TAS2R1: variants seen among roughly 807,000 people sequenced by gnomAD.
TAS2R1 encodes taste 2 receptor member 1, also known as taste receptor type 2 member 1.
For synonymous variants in TAS2R1, 141 were observed against 134.2 expected, an observed-to-expected ratio of 1.05 and a Z score of -0.35; for missense variants, 370 against 353.4, an observed-to-expected ratio of 1.05 and a Z score of -0.38.
chr5:9,887,945 G>C, the TAS2R1 span, among the ~76,000 whole-genome samples: 1 of 152,006 alleles, frequency 6.6e-6, no homozygotes, highest in South Asian at 2.1e-4. Flanking sequence ...AGGACAGCAG[G>C]GCCACAGGAG....
Position 9,630,042 on chromosome 5 carries a change from A to G in TAS2R1, c.-10T>C, listed in dbSNP as rs754132366. ...GGTGAGACTCTAGCATTTTAGGAAT[A>G]AAAAATTATTTACTTAAAAAATAAT... On this transcript the variant is annotated 5_prime_UTR_variant, in exon 1 of 1. Transcript: ENST00000382492. 10 of 1,539,378 alleles carry G rather than the reference A, an allele frequency of 6.5e-6. No homozygotes were observed. The highest frequency in any genetic ancestry group is 7.8e-6 in the Non-Finnish European group (9 of 1,147,930).
At chr5:9,867,746 C>T in the TAS2R1 span, among the ~76,000 whole-genome samples, 5 of 152,160 alleles carry the variant, frequency 3.3e-5, no homozygotes, top group African/African-American at 1.2e-4. Context: ...CTCAAAAGTC[C>T]GCAGTCCAAA....
chr5:9,644,837 A>G (rs1561367863), intron 2 of TAS2R1, among the ~76,000 whole-genome samples: 1 of 152,154 alleles, frequency 6.6e-6, no homozygotes, highest in Non-Finnish European at 1.5e-5. Context: ...TAGGTGAGTC[A>G]GAGCTTGCAT....
the TAS2R1 span, chr5:9,760,847 T>C: frequency 1.3e-5 from 2 of 152,186 alleles, no homozygotes; most frequent in Non-Finnish European, 2.9e-5. Flanking sequence ...CTAGAAATCC[T>C]AAGTAGTGCA....
chr5:9,826,490 A>G, the TAS2R1 span, among the ~76,000 whole-genome samples: 1 of 152,214 alleles, frequency 6.6e-6, no homozygotes, highest in South Asian at 2.1e-4. Flanking sequence ...TTTCTTATTT[A>G]TTCTTGCACT....
chr5:9,903,126 A>G, the TAS2R1 span, among the ~76,000 whole-genome samples: 1 of 152,050 alleles, frequency 6.6e-6, no homozygotes, highest in Admixed American at 6.6e-5. Flanking sequence ...TAAAATGTAC[A>G]GTTGAGTTAC....
chr5:9,629,747 C>T lies in TAS2R1; in HGVS notation c.286G>A (p.Ala96Thr), dbSNP rs748360046. 1.9e-6 allele frequency: 3 copies of T among 1,613,772 alleles called. No individual in the cohort carries two copies. Among genetic ancestry groups the T allele is most frequent in the Non-Finnish European group, 2.5e-6 (3 of 1,179,934 alleles). The part of the protein sequence containing the change: ...LFINELELWL[A>T]TWLGVFYCAK... ...CAATAGAAAACGCCGAGCCATGTGG[C>T]AAGCCAAAGTTCCAATTCATTTATA... The change falls in exon 1 of 1, where the codon GCC becomes ACC. Residue 96 changes from alanine to threonine, a missense_variant. Transcript: ENST00000382492.
the TAS2R1 span, among the ~76,000 whole-genome samples, chr5:9,857,439 T>C: frequency 6.6e-6 from 1 of 152,154 alleles, no homozygotes; most frequent in African/African-American, 2.4e-5. Context: ...CTGGTATATA[T>C]GGAGCATCAG....
At chr5:9,719,037 T>C in the TAS2R1 span, among the ~76,000 whole-genome samples, 1 of 152,230 alleles carries the variant, frequency 6.6e-6, no homozygotes, top group Admixed American at 6.5e-5. Context: ...TTATGTTAAC[T>C]GACAAAATTA....
At chr5:9,828,467 C>T in the TAS2R1 span, among the ~76,000 whole-genome samples, 4 of 152,106 alleles carry the variant, frequency 2.6e-5, no homozygotes, top group South Asian at 4.1e-4. Context: ...CCAGGAATTA[C>T]GGCATTTTAA....
chr5:9,828,717 G>T, the TAS2R1 span, among the ~76,000 whole-genome samples: 1 of 152,180 alleles, frequency 6.6e-6, no homozygotes, highest in Non-Finnish European at 1.5e-5. Flanking sequence ...ATAAGTGGGA[G>T]ATAACTTATT....
At chr5:9,724,771 C>G in the TAS2R1 span, among the ~76,000 whole-genome samples, 1,044 of 152,282 alleles carry the variant, frequency 6.9e-3, 19 homozygotes, top group East Asian at 0.079. Flanking sequence ...TTCATGTGTA[C>G]CCACTTGGCT....
At chr5:9,690,315 G>A (rs1384403022) in intron 1 of TAS2R1, among the ~76,000 whole-genome samples, 1 of 152,050 alleles carries the variant, frequency 6.6e-6, no homozygotes, top group African/African-American at 2.4e-5. Flanking sequence ...CAAATGTTGT[G>A]ATTTGTATTA....
chr5:9,656,735 G>T (rs1740424147), intron 2 of TAS2R1, among the ~76,000 whole-genome samples: 1 of 152,154 alleles, frequency 6.6e-6, no homozygotes, highest in African/African-American at 2.4e-5. Context: ...CAGTCAAGTT[G>T]ACATATAAAA....
chr5:9,846,564 A>C, the TAS2R1 span, among the ~76,000 whole-genome samples: 2 of 152,212 alleles, frequency 1.3e-5, no homozygotes, highest in African/African-American at 4.8e-5. Flanking sequence ...GTGCATGCAC[A>C]TCTCCTATTA....
intron 2 of TAS2R1, chr5:9,658,827 C>T (rs770085295): frequency 3.9e-5 from 6 of 152,102 alleles, no homozygotes; most frequent in Non-Finnish European, 5.9e-5. Flanking sequence ...AAATGCAAAA[C>T]CAAGGAATAT....
At chr5:9,797,122 G>C in the TAS2R1 span, among the ~76,000 whole-genome samples, 87 of 152,258 alleles carry the variant, frequency 5.7e-4, no homozygotes, top group Non-Finnish European at 9.6e-4. Flanking sequence ...GAGCATTATG[G>C]GGGATGAGAG....
the TAS2R1 span, among the ~76,000 whole-genome samples, chr5:9,812,279 A>G: frequency 6.6e-6 from 1 of 152,106 alleles, no homozygotes; most frequent in African/African-American, 2.4e-5. Flanking sequence ...AATGACTGGT[A>G]AACATTAGAG....
the TAS2R1 span, among the ~76,000 whole-genome samples, chr5:9,845,867 T>G: frequency 6.6e-6 from 1 of 152,164 alleles, no homozygotes; most frequent in African/African-American, 2.4e-5. Context: ...GAAATAAAGA[T>G]GCACATTCTA....
Sources: allele counts gnomAD v4.1 joint callset (sites outside exome capture counted in the v4.1 genomes callset), GRCh38; gene constraint gnomAD v4.1.1; transcripts MANE v1.5; gene names NCBI Gene and HGNC (gene_info 2026-07-23, HGNC 2026-07-21).